The following EHBP1L1 variants were observed in gnomAD, a reference collection of about 807,000 sequenced individuals.
EHBP1L1 encodes the protein EH domain binding protein 1 like 1.
EHBP1L1 carries 122 observed loss-of-function variants against 151.1 expected under a neutral mutation model. The observed-to-expected ratio is 0.81, with a 90% CI of 0.70 to 0.94. The LOEUF is 0.94. EHBP1L1 is among the 40% of genes least tolerant of loss of function. The pLI is 0.00. For missense variants in EHBP1L1, 1,941 were observed against 1,959.8 expected (o/e 0.99, Z 0.18); for synonymous variants, 878 against 810.1 (o/e 1.08, Z -1.42).
Position 65,588,726 on chromosome 11 carries a change from T to C in EHBP1L1, c.3934-1025T>C, listed in dbSNP as rs144919914. On this transcript the variant is annotated intron_variant, in intron 12 of 18. Transcript: ENST00000309295. The stretch of plus-strand genomic sequence containing the variant: ...AGTTGGGGACCCCCAGGGCTGACAG[T>C]CCCAACAAGTCACTAGGGGCGGGCA... Among the ~76,000 whole-genome samples the C allele has an allele frequency of 1.4e-4, 21 of 152,234 alleles. 1 individual carries two copies. In the East Asian group the frequency reaches 4.1e-3, roughly 29 times the overall value.
chr11:65,590,454 G>A, intron 15 of EHBP1L1, 39 bp from the exon 16 acceptor site: 1 of 1,601,480 alleles, frequency 6.2e-7, no homozygotes. Flanking sequence ...CTGACACGGG[G>A]CAGGGGGCAG....
chr11:65,582,171 C>T lies in EHBP1L1; in HGVS notation c.1499C>T (p.Ala500Val). The T allele has an allele frequency of 6.4e-7, 1 of 1,572,246 alleles. No individual in the cohort carries two copies. Among genetic ancestry groups the T allele is most frequent in the Non-Finnish European group, 8.6e-7 (1 of 1,160,722 alleles). ...CTTGGTGACCTCGAGGGGGCCAGGG[C>T]TGCTGCAGGCCAGGAGAGAGAGGGT... The part of the protein sequence containing the change: ...GQLGDLEGAR[A>V]AAGQEREGAE... The change falls in exon 9 of 19, where the codon GCT becomes GTT. Residue 500 changes from alanine (A) to valine (V), a missense_variant. Physicochemically the swap from Ala to Val is moderately conservative, Grantham distance 64. Transcript: ENST00000309295.
Position 65,583,738 on chromosome 11 carries a change from AGAG to A in EHBP1L1, c.3069_3071del (p.Glu1023del). 6.6e-7 allele frequency: 1 copy of A among 1,510,706 alleles called. No homozygotes were observed. Among genetic ancestry groups the A allele is most frequent in the East Asian group, 2.4e-5 (1 of 41,188 alleles). The allele number at this position is 1,510,706 out of a possible 1,614,324, so 93.6% of individuals were successfully genotyped here. On this transcript the variant is annotated inframe_deletion, in exon 9 of 19. Coordinates refer to ENST00000309295, the MANE Select transcript of EHBP1L1 (RefSeq NM_001099409.3). ...GGGCCTCTTCCCCAGAGAAGGCTGA[AGAG>A]GACAGGAGGCTGCCGGGCAGCCAGG... is the stretch of plus-strand genomic sequence containing the variant.
At position 65,592,284 on chromosome 11, in the gene EHBP1L1, G is replaced by C; in HGVS notation, c.4554G>C (p.Glu1518Asp). The change falls in exon 19 of 19, where the codon GAG becomes GAC. Residue 1518 changes from glutamate to aspartate, a missense_variant. Coordinates refer to ENST00000309295, the MANE Select transcript of EHBP1L1 (RefSeq NM_001099409.3). ...RKLSRQLSRR[E>D]RCVLS ...TGAGCCGGCAGTTGAGCCGGCGGGA[G>C]CGCTGCGTGCTGAGCTGAGGCCGCC... 10 of 1,529,136 alleles carry C rather than the reference G, an allele frequency of 6.5e-6. No individual in the cohort carries two copies. The highest frequency in any genetic ancestry group is 8.7e-6 in the Non-Finnish European group (10 of 1,144,178). The allele number at this position is 1,529,136 out of a possible 1,614,324, so 94.7% of individuals were successfully genotyped here.
chr11:65,581,898 G>A lies in EHBP1L1; in HGVS notation c.1226G>A (p.Gly409Glu). ...GGREANTKRS[G>E]VRAGEAEESS... Reference sequence around the variant, plus strand: ...AGAGAGGCAAACACTAAGAGGTCAGGAGTCAGAGCTGGGGAGGCTGAAGAG... The same window carrying A: ...AGAGAGGCAAACACTAAGAGGTCAGAAGTCAGAGCTGGGGAGGCTGAAGAG... Residue 409 changes from glycine to glutamate, a missense_variant, in exon 9 of 19, where the codon GGA becomes GAA. Coordinates refer to ENST00000309295, the MANE Select transcript of EHBP1L1 (RefSeq NM_001099409.3). The A allele has an allele frequency of 1.2e-6, 2 of 1,613,728 alleles. No homozygotes were observed. Among genetic ancestry groups the A allele is most frequent in the African/African-American group, 1.3e-5 (1 of 75,062 alleles).
chr11:65,586,330 G>A (rs944793536), intron 12 of EHBP1L1, among the ~76,000 whole-genome samples: 1 of 152,198 alleles, frequency 6.6e-6, no homozygotes, highest in Admixed American at 6.5e-5. Context: ...TCCAGGACAC[G>A]GGCTTTCCAG....
chr11:65,580,421 TGAA>T lies in EHBP1L1; in HGVS notation c.579_581del (p.Glu193del). 1 of 1,613,668 alleles carries T rather than the reference TGAA, an allele frequency of 6.2e-7. No individual in the cohort carries two copies. The highest frequency in any genetic ancestry group is 8.5e-7 in the Non-Finnish European group (1 of 1,179,842). On this transcript the variant is annotated inframe_deletion, in exon 6 of 19. Coordinates refer to ENST00000309295, the MANE Select transcript of EHBP1L1 (RefSeq NM_001099409.3). ...ACTTGGATGACTTTGCTGAGAGTGA[TGAA>T]GATGAGGCTCATGGCCCAGGAGCCC...
At position 65,582,428 on chromosome 11, in the gene EHBP1L1, GAGAA is replaced by G. The variant is rs754467118; in HGVS notation, c.1761_1764del (p.Glu588LeufsTer12). Reference sequence around the variant, plus strand: ...AGGGTTGGAGGTGCTGGGAACCCAGGAGAAAGAAGTTGAGGGGTCAGGGTTCCCA... The same window carrying G: ...AGGGTTGGAGGTGCTGGGAACCCAGGAGAAGTTGAGGGGTCAGGGTTCCCA... On this transcript the variant is annotated frameshift_variant, in exon 9 of 19. Coordinates refer to ENST00000309295, the MANE Select transcript of EHBP1L1 (RefSeq NM_001099409.3). LOFTEE classifies it high-confidence loss of function. The G allele has an allele frequency of 1.0e-4, 166 of 1,612,012 alleles. No homozygotes were observed. The highest frequency in any genetic ancestry group is 1.2e-4 in the Non-Finnish European group (143 of 1,179,514).
chr11:65,576,311 G>T lies in EHBP1L1; in HGVS notation c.9G>T (p.Ser3=), dbSNP rs556696728. 31 of 1,593,028 alleles carry T rather than the reference G, an allele frequency of 1.9e-5. No homozygotes were observed. The highest frequency in any genetic ancestry group is 2.5e-5 in the Non-Finnish European group (29 of 1,171,178). The change falls in exon 1 of 19, where the codon TCG becomes TCT. Residue 3 remains serine (S), a synonymous_variant. Coordinates refer to ENST00000309295, the MANE Select transcript of EHBP1L1 (RefSeq NM_001099409.3). MT[S]VWKRLQRVGK... ...GCGGGGTGGCGGGGGCCATGACCTC[G>T]GTGTGGAAGCGCCTGCAGCGCGTGG...
chr11:65,585,906 G>T lies in EHBP1L1; in HGVS notation c.3933+315G>T, dbSNP rs576619348. Among the ~76,000 whole-genome samples the T allele has an allele frequency of 6.6e-6, 1 of 152,240 alleles. No individual in the cohort carries two copies. Among genetic ancestry groups the T allele is most frequent in the Non-Finnish European group, 1.5e-5 (1 of 68,038 alleles). Reference sequence around the variant, plus strand: ...GAGGGTTTTTAGTGCTTGGCACTTGGTGTGGGGAATCAGGCTGCAGAAGTT... The same window carrying T: ...GAGGGTTTTTAGTGCTTGGCACTTGTTGTGGGGAATCAGGCTGCAGAAGTT... On this transcript the variant is annotated intron_variant, in intron 12 of 18. Coordinates refer to ENST00000309295, the MANE Select transcript of EHBP1L1 (RefSeq NM_001099409.3). This position sits in a 1 kb window ranked among gnomAD's most constrained non-coding sequence, Gnocchi z 4.0.
Position 65,592,276 on chromosome 11 carries a change from C to A in EHBP1L1, c.4546C>A (p.Arg1516=). The change falls in exon 19 of 19, where the codon CGG becomes AGG. Residue 1516 remains arginine (R), a synonymous_variant. Transcript: ENST00000309295. Reference sequence around the variant, plus strand: ...CCGCAAGCTGAGCCGGCAGTTGAGCCGGCGGGAGCGCTGCGTGCTGAGCTG... The same window carrying A: ...CCGCAAGCTGAGCCGGCAGTTGAGCAGGCGGGAGCGCTGCGTGCTGAGCTG... The part of the protein sequence containing the change: ...RRRKLSRQLS[R]RERCVLS The A allele has an allele frequency of 6.5e-7, 1 of 1,530,578 alleles. No individual in the cohort carries two copies. Among genetic ancestry groups the A allele is most frequent in the South Asian group, 1.2e-5 (1 of 83,818 alleles). 94.8% of individuals were successfully genotyped at this position (1,530,578 alleles called of 1,614,324 possible). A position where few individuals can be genotyped will look rare whatever the true frequency, so the allele number is the denominator to read the frequency against.
Position 65,579,148 on chromosome 11 carries a change from G to A in EHBP1L1, c.162+13G>A, listed in dbSNP as rs756955250. 43 of 1,586,348 alleles carry A rather than the reference G, an allele frequency of 2.7e-5. No homozygotes were observed. In the Admixed American group the frequency reaches 5.7e-4, roughly 21 times the overall value. Reference sequence around the variant, plus strand: ...CATCTGCTCCAAGGTGGGGAAGGATGGCAACTGGGGATCCAGGTTAGGGAT... The same window carrying A: ...CATCTGCTCCAAGGTGGGGAAGGATAGCAACTGGGGATCCAGGTTAGGGAT... On this transcript the variant is annotated intron_variant, in intron 2 of 18. Transcript: ENST00000309295.
chr11:65,579,326 G>A lies in EHBP1L1; in HGVS notation c.163-15G>A. 1 of 1,534,134 alleles carries A rather than the reference G, an allele frequency of 6.5e-7. No homozygotes were observed. The highest frequency in any genetic ancestry group is 8.8e-7 in the Non-Finnish European group (1 of 1,136,410). On this transcript the variant is annotated splice_polypyrimidine_tract_variant and intron_variant, in intron 2 of 18. Coordinates refer to ENST00000309295, the MANE Select transcript of EHBP1L1 (RefSeq NM_001099409.3). ...AGAGTTAAGATGGGGGGAGGACTCA[G>A]ATTGTCCCTTGTAGGCCCACAGCTG...
rs747475802 is a variant in EHBP1L1 at position 65,582,720 on chromosome 11, G to C, written c.2048G>C (p.Gly683Ala). The C allele has an allele frequency of 8.1e-6, 13 of 1,613,476 alleles. No individual in the cohort carries two copies. The highest frequency in any genetic ancestry group is 1.1e-5 in the Non-Finnish European group (13 of 1,179,864). The change falls in exon 9 of 19, where the codon GGG becomes GCG. Residue 683 changes from glycine (G) to alanine (A), a missense_variant. Coordinates refer to ENST00000309295, the MANE Select transcript of EHBP1L1 (RefSeq NM_001099409.3). ...TEVLVTQEIS[G>A]DLGPLKIEDT... Reference sequence around the variant, plus strand: ...GTACTGGTGACCCAGGAGATATCTGGGGATTTAGGGCCACTGAAGATAGAA... The same window carrying C: ...GTACTGGTGACCCAGGAGATATCTGCGGATTTAGGGCCACTGAAGATAGAA...
At position 65,582,070 on chromosome 11, in the gene EHBP1L1, G is replaced by C. The variant is rs537597997; in HGVS notation, c.1398G>C (p.Leu466=). 3.7e-4 allele frequency: 600 copies of C among 1,612,282 alleles called. 5 individuals are homozygous for C. In the South Asian group the frequency reaches 6.2e-3, roughly 17 times the overall value. ...EAPPRGSQGR[L]GVRTRDEAPS... ...CTCCAAGGGGCTCTCAGGGGAGGCT[G>C]GGAGTCAGGACCAGGGATGAGGCTC... Residue 466 remains leucine, a synonymous_variant, in exon 9 of 19, where the codon CTG becomes CTC. Coordinates refer to ENST00000309295, the MANE Select transcript of EHBP1L1 (RefSeq NM_001099409.3).
Position 65,585,183 on chromosome 11 carries a change from C to G in EHBP1L1, c.3525C>G (p.Ala1175=). 1 of 1,282,498 alleles carries G rather than the reference C, an allele frequency of 7.8e-7. No individual in the cohort carries two copies. Among genetic ancestry groups the G allele is most frequent in the Non-Finnish European group, 9.9e-7 (1 of 1,014,942 alleles). The allele number at this position is 1,282,498 out of a possible 1,614,324, so 79.4% of individuals were successfully genotyped here. The change falls in exon 12 of 19, where the codon GCC becomes GCG. Residue 1175 remains alanine (A), a synonymous_variant. Coordinates refer to ENST00000309295, the MANE Select transcript of EHBP1L1 (RefSeq NM_001099409.3). The surrounding 1 kb of genome is among the most constrained non-coding windows in gnomAD (Gnocchi z 4.0). Reference sequence around the variant, plus strand: ...CCAGCCCGCCCGACGACCTGGACGCCGGAGGCCTGGCGCAGCGGCTGCGCG... The same window carrying G: ...CCAGCCCGCCCGACGACCTGGACGCGGGAGGCCTGGCGCAGCGGCTGCGCG... The part of the protein sequence containing the change: ...AQPSPPDDLD[A]GGLAQRLRGH...
At chr11:65,584,653 C>T in intron 11 of EHBP1L1, 119 bp downstream of exon 11, 1 of 1,294,806 alleles carries the variant, frequency 7.7e-7, no homozygotes, top group Non-Finnish European at 1.1e-6. Context: ...AGTTCTGCCA[C>T]TTTTTACCCC....
chr11:65,579,203 A>G (rs1270962108), intron 2 of EHBP1L1, 68 bp downstream of exon 2: 8 of 1,502,256 alleles, frequency 5.3e-6, no homozygotes, highest in Non-Finnish European at 7.2e-6. Flanking sequence ...ATGGGGGCTG[A>G]TGGGGGAGTG....
chr11:65,590,938 G>A (rs1858243492), intron 16 of EHBP1L1, among the ~76,000 whole-genome samples: 1 of 152,146 alleles, frequency 6.6e-6, no homozygotes, highest in Non-Finnish European at 1.5e-5. Flanking sequence ...GGCTGAGGCA[G>A]GAGAATCGCT....
Sources: allele counts gnomAD v4.1 joint callset (sites outside exome capture counted in the v4.1 genomes callset), GRCh38; gene constraint gnomAD v4.1.1; non-coding constraint Gnocchi (gnomAD v3.1); transcripts MANE v1.5; gene names NCBI Gene and HGNC (gene_info 2026-07-23, HGNC 2026-07-21).